The following SUGCT variants were observed in gnomAD, a reference collection of about 807,000 sequenced individuals.
SUGCT encodes the protein succinyl-CoA:glutarate CoA-transferase.
In SUGCT, 41 loss-of-function variants were observed where a neutral mutation model predicts 55.0. The ratio of observed to expected loss-of-function variants is 0.74; its 90% CI spans 0.58 to 0.97. SUGCT has a LOEUF of 0.97. SUGCT is among the 50% of genes least tolerant of loss of function. SUGCT has a pLI of 0.00. For missense variants in SUGCT, 568 were observed against 547.8 expected (o/e 1.04, Z -0.37); for synonymous variants, 187 against 200.4 (o/e 0.93, Z 0.56).
Position 40,278,376 on chromosome 7 carries a change from C to T in SUGCT, c.720+3720C>T, listed in dbSNP as rs543678369. Among the ~76,000 whole-genome samples, 24 of 152,252 alleles carry T rather than the reference C, an allele frequency of 1.6e-4. No homozygotes were observed. In the South Asian group the frequency reaches 4.1e-3, roughly 26 times the overall value. On this transcript the variant is annotated intron_variant, in intron 8 of 13. Transcript: ENST00000335693. The stretch of plus-strand genomic sequence containing the variant: ...TGTGGAAGTCAGTGTGGCGATTCCT[C>T]AGGGATCTAGGACTAGAAATACCAT...
At chr7:41,001,622 C>A in the SUGCT span, among the ~76,000 whole-genome samples, 1 of 152,128 alleles carries the variant, frequency 6.6e-6, no homozygotes, top group African/African-American at 2.4e-5. Context: ...GGTGAGGGCC[C>A]TGCAGACTGT....
chr7:40,439,058 T>G (rs1788330658), intron 9 of SUGCT, among the ~76,000 whole-genome samples: 1 of 91,360 alleles, frequency 1.1e-5, no homozygotes, highest in African/African-American at 4.5e-5. Context: ...ATGGTATATA[T>G]ATGGTGTATA....
the SUGCT span, among the ~76,000 whole-genome samples, chr7:40,889,340 G>C: frequency 6.6e-6 from 1 of 152,214 alleles, no homozygotes; most frequent in African/African-American, 2.4e-5. Flanking sequence ...GGCAATCCTT[G>C]AGGGTTATGT....
the SUGCT span, among the ~76,000 whole-genome samples, chr7:40,924,547 C>A: frequency 2.0e-5 from 3 of 152,156 alleles, no homozygotes; most frequent in African/African-American, 7.2e-5. Context: ...AGCCACTATG[C>A]CCAGACTCAA....
chr7:40,534,628 A>G (rs1238912915), intron 12 of SUGCT, among the ~76,000 whole-genome samples: 1 of 152,196 alleles, frequency 6.6e-6, no homozygotes, highest in African/African-American at 2.4e-5. Flanking sequence ...CATGTTGGCC[A>G]GACTGGTCTT....
At chr7:40,416,262 A>G (rs528021881) in intron 9 of SUGCT, among the ~76,000 whole-genome samples, 39 of 151,918 alleles carry the variant, frequency 2.6e-4, no homozygotes, top group African/African-American at 9.4e-4. Flanking sequence ...TAGTGTATGT[A>G]ATCACCTTGT....
At chr7:40,229,949 A>G (rs1166722118) in intron 6 of SUGCT, among the ~76,000 whole-genome samples, 1 of 152,256 alleles carries the variant, frequency 6.6e-6, no homozygotes, top group Non-Finnish European at 1.5e-5. Flanking sequence ...TACATTACTT[A>G]CTATGAAACA....
At chr7:40,293,116 A>G (rs540038646) in intron 8 of SUGCT, among the ~76,000 whole-genome samples, 63 of 152,242 alleles carry the variant, frequency 4.1e-4, no homozygotes, top group Non-Finnish European at 8.1e-4. Flanking sequence ...AATTGTATGT[A>G]GTCATATTTG....
chr7:40,739,018 T>TA (rs1245409477), intron 12 of SUGCT, among the ~76,000 whole-genome samples: 2 of 151,916 alleles, frequency 1.3e-5, no homozygotes, highest in Non-Finnish European at 2.9e-5. Context: ...AGACCATAAT[T>TA]AAAAAAAAGC....
chr7:40,232,695 C>T (rs990665558), intron 6 of SUGCT, among the ~76,000 whole-genome samples: 1 of 152,110 alleles, frequency 6.6e-6, no homozygotes, highest in African/African-American at 2.4e-5. Flanking sequence ...TAGAAATTCA[C>T]GTTTTGCTTT....
intron 3 of SUGCT, 76 bp downstream of exon 3, chr7:40,182,104 T>A (rs892023788): frequency 2.5e-5 from 20 of 813,816 alleles, no homozygotes; most frequent in Non-Finnish European, 3.8e-5. Flanking sequence ...ATACCCATGT[T>A]TAGTGTACCT....
chr7:40,631,054 G>C (rs1799766777), intron 12 of SUGCT, among the ~76,000 whole-genome samples: 1 of 152,164 alleles, frequency 6.6e-6, no homozygotes, highest in South Asian at 2.1e-4. Context: ...CTTTCTGACT[G>C]TAAAGTCCAA....
the SUGCT span, among the ~76,000 whole-genome samples, chr7:40,960,170 T>C: frequency 2.6e-4 from 40 of 152,156 alleles, no homozygotes; most frequent in African/African-American, 9.4e-4. Flanking sequence ...CATTGCCCAA[T>C]TGCTTGTGAT....
rs1562689549 is a variant in SUGCT at position 40,333,704 on chromosome 7, A to ATATAT, written c.816+16849_816+16850insTATAT. ...ATATATATATATATATATATATATAAATATTTATAAAATACACACATATAT... is the reference window on the plus strand; with the variant it reads ...ATATATATATATATATATATATATAATATATATATTTATAAAATACACACATATAT... On this transcript the variant is annotated intron_variant, in intron 9 of 13. Transcript: ENST00000335693. Among the ~76,000 whole-genome samples the ATATAT allele has an allele frequency of 1.3e-3, 150 of 114,284 alleles. 1 individual carries two copies. Among genetic ancestry groups the ATATAT allele is most frequent in the Non-Finnish European group, 2.4e-3 (126 of 53,470 alleles). The allele number at this position is 114,284 out of a possible 152,430, so 75.0% of individuals were successfully genotyped here.
intron 9 of SUGCT, among the ~76,000 whole-genome samples, chr7:40,435,807 G>A (rs1204892019): frequency 6.6e-6 from 1 of 151,830 alleles, no homozygotes; most frequent in African/African-American, 2.4e-5. Context: ...CTCATATCTG[G>A]GATCCTGCAG....
chr7:40,282,208 A>G (rs1584556256), intron 8 of SUGCT, among the ~76,000 whole-genome samples: 1 of 151,942 alleles, frequency 6.6e-6, no homozygotes, highest in African/African-American at 2.4e-5. Context: ...TGGCTCATGC[A>G]TGTAATCCCA....
the SUGCT span, among the ~76,000 whole-genome samples, chr7:40,888,218 T>C: frequency 6.6e-6 from 1 of 152,128 alleles, no homozygotes. Flanking sequence ...ATGTCACTTC[T>C]CCTACAGCAG....
chr7:40,783,287 C>A (rs151295973), intron 13 of SUGCT, among the ~76,000 whole-genome samples: 1 of 152,182 alleles, frequency 6.6e-6, no homozygotes, highest in African/African-American at 2.4e-5. Context: ...GGGTGGCCAC[C>A]TCTTTTTCAG....
At chr7:40,883,938 T>G in the SUGCT span, among the ~76,000 whole-genome samples, 58 of 152,240 alleles carry the variant, frequency 3.8e-4, no homozygotes, top group South Asian at 1.0e-3. Context: ...TCCATAAGCT[T>G]AAATCACAGA....
Sources: gnomAD v4.1 joint callset for allele counts (sites outside exome capture counted in the v4.1 genomes callset) on GRCh38, gnomAD v4.1.1 for gene constraint, MANE v1.5 for transcripts, NCBI Gene and HGNC (gene_info 2026-07-23, HGNC 2026-07-21) for gene names.